The following C1orf94 variants were observed in gnomAD, a reference collection of about 807,000 sequenced individuals.
The protein encoded by C1orf94 is uncharacterized protein C1orf94.
Under a neutral mutation model 53.6 loss-of-function variants are expected in C1orf94, and 45 were observed. The observed-to-expected ratio is 0.84, with a 90% confidence interval of 0.66 to 1.08. The LOEUF is 1.08. C1orf94 is among the 50% of genes least tolerant of loss of function. C1orf94 has a pLI of 0.00. For missense variants in C1orf94, 762 were observed against 738.9 expected, an observed-to-expected ratio of 1.03 and a Z score of -0.36; for synonymous variants, 304 against 296.1, an observed-to-expected ratio of 1.03 and a Z score of -0.27.
rs564666730 is a variant in C1orf94, at chr1:34,197,445, G to A, written c.541G>A (p.Gly181Arg). 30 of 1,613,984 alleles carry A rather than the reference G, an allele frequency of 1.9e-5. No individual in the cohort carries two copies. The highest frequency in any genetic ancestry group is 1.5e-4 in the Admixed American group (9 of 60,014). Residue 181 changes from glycine (G) to arginine (R), a missense_variant, in exon 2 of 7, where the codon GGA becomes AGA. Physicochemically the swap from Gly to Arg is moderately radical, Grantham distance 125. Transcript: ENST00000488417. This position sits in a 1 kb window ranked among gnomAD's most constrained non-coding sequence, Gnocchi z 4.1. ...NERPRASIIVGDKLLKQKVAM... is the reference protein window; with the variant it reads ...NERPRASIIVRDKLLKQKVAM... ...GCGCCCCAGAGCCTCCATCATTGTC[G>A]GAGACAAGCTTCTGAAGCAGAAGGT...
At chr1:34,167,725 G>C (rs1421974261) in intron 1 of C1orf94, among the ~76,000 whole-genome samples, 1 of 151,944 alleles carries the variant, frequency 6.6e-6, no homozygotes, top group Admixed American at 6.6e-5. Context: ...ACACGTAACT[G>C]ATACCGTCAG....
At chr1:34,208,769 C>T (rs1278997477) in intron 5 of C1orf94, among the ~76,000 whole-genome samples, 3 of 152,140 alleles carry the variant, frequency 2.0e-5, no homozygotes, top group Non-Finnish European at 4.4e-5. Flanking sequence ...ACCTCTTGCT[C>T]TTTCCACGGT....
chr1:34,209,830 A>C (rs1226862875), intron 5 of C1orf94, among the ~76,000 whole-genome samples: 1 of 152,170 alleles, frequency 6.6e-6, no homozygotes, highest in African/African-American at 2.4e-5. Flanking sequence ...CTGGCTCCAG[A>C]GAGAATATTT....
At chr1:34,169,614 A>AGG (rs1642110747) in intron 1 of C1orf94, among the ~76,000 whole-genome samples, 1 of 103,094 alleles carries the variant, frequency 9.7e-6, no homozygotes, top group African/African-American at 3.5e-5. Flanking sequence ...AGAGAGAGAG[A>AGG]GAGAGAGAGA....
At chr1:34,215,980 T>G (rs1221962934) in intron 6 of C1orf94, among the ~76,000 whole-genome samples, 1 of 152,154 alleles carries the variant, frequency 6.6e-6, no homozygotes, top group African/African-American at 2.4e-5. Context: ...TATTCCAGCC[T>G]GGGTGACAGA....
intron 1 of C1orf94, among the ~76,000 whole-genome samples, chr1:34,182,728 C>T (rs79271667): frequency 0.013 from 1,959 of 152,276 alleles, 49 homozygotes; most frequent in African/African-American, 0.045. Context: ...GGGCATGCAT[C>T]ACTATCAATG....
At chr1:34,169,625 G>T (rs1438877296) in intron 1 of C1orf94, among the ~76,000 whole-genome samples, 1 of 94,454 alleles carries the variant, frequency 1.1e-5, no homozygotes, top group African/African-American at 3.8e-5. Flanking sequence ...GAGAGAGAGA[G>T]AGAGAGAGAG....
chr1:34,181,863 C>T (rs1642315815), intron 1 of C1orf94, among the ~76,000 whole-genome samples: 1 of 152,090 alleles, frequency 6.6e-6, no homozygotes, highest in African/African-American at 2.4e-5. Flanking sequence ...AAGAAGGAGC[C>T]AGTCAAGGGA....
rs553425557 is a variant in C1orf94 at position 34,197,051 on chromosome 1, G to A, written c.321-174G>A. On this transcript the variant is annotated intron_variant, in intron 1 of 6. Coordinates refer to ENST00000488417, the MANE Select transcript of C1orf94 (RefSeq NM_001134734.2). This position sits in a 1 kb window ranked among gnomAD's most constrained non-coding sequence, Gnocchi z 4.1. The stretch of plus-strand genomic sequence containing the variant: ...CATGCTCTCAGTGCTGCATCCTACC[G>A]CTGTGGTATAGGACCCTCTGGGGGT... Among the ~76,000 whole-genome samples the A allele has an allele frequency of 3.3e-5, 5 of 152,296 alleles. No homozygotes were observed. Among genetic ancestry groups the A allele is most frequent in the African/African-American group, 7.2e-5 (3 of 41,560 alleles).
chr1:34,179,188 T>C (rs1375262213), intron 1 of C1orf94, among the ~76,000 whole-genome samples: 1 of 152,268 alleles, frequency 6.6e-6, no homozygotes, highest in Non-Finnish European at 1.5e-5. Context: ...TGGGCTCATT[T>C]ACTTACTGCA....
Position 34,218,852 on chromosome 1 carries a change from G to A in C1orf94, c.*91G>A. The stretch of plus-strand genomic sequence containing the variant: ...TCTGCAAAAGCTTGGTATGAAGTTT[G>A]GAAAAGCAAGGTTCTGACCAGGTCA... On this transcript the variant is annotated 3_prime_UTR_variant, in exon 7 of 7. Transcript: ENST00000488417. The A allele has an allele frequency of 8.3e-7, 1 of 1,202,172 alleles. No individual in the cohort carries two copies. Among genetic ancestry groups the A allele is most frequent in the South Asian group, 1.6e-5 (1 of 63,018 alleles). 74.5% of individuals were successfully genotyped at this position (1,202,172 alleles called of 1,614,324 possible).
intron 4 of C1orf94, among the ~76,000 whole-genome samples, chr1:34,206,070 C>T (rs899364253): frequency 1.3e-5 from 2 of 152,216 alleles, no homozygotes; most frequent in Non-Finnish European, 1.5e-5. Context: ...AGAATCCGCC[C>T]TGGGACTGAG....
chr1:34,193,775 C>T (rs1426747228), intron 1 of C1orf94, among the ~76,000 whole-genome samples: 2 of 152,152 alleles, frequency 1.3e-5, no homozygotes, highest in Non-Finnish European at 2.9e-5. Flanking sequence ...AGTAGGCTCA[C>T]GGCAAATGCA....
rs114118360 is a variant in C1orf94, at chr1:34,200,988, C to T, written c.1226C>T (p.Pro409Leu). The T allele has an allele frequency of 2.2e-4, 355 of 1,611,380 alleles. 2 individuals carry two copies. The highest frequency in any genetic ancestry group is 6.9e-4 in the African/African-American group (52 of 74,860). Residue 409 changes from proline (P) to leucine (L), a missense_variant, in exon 3 of 7, where the codon CCG becomes CTG. Coordinates refer to ENST00000488417, the MANE Select transcript of C1orf94 (RefSeq NM_001134734.2). ...LGATKNPSGQ[P>L]RLRNKVEVDG... The stretch of plus-strand genomic sequence containing the variant: ...GCCACCAAGAACCCAAGCGGGCAGC[C>T]GAGACTTCGAAACAAAGTGGAAGTG...
rs991041155 is a variant in C1orf94, at chr1:34,219,063, T to C, written c.*302T>C. 2 of 221,614 alleles carry C rather than the reference T, an allele frequency of 9.0e-6. No individual in the cohort carries two copies. The highest frequency in any genetic ancestry group is 4.6e-5 in the African/African-American group (2 of 43,932). 13.7% of individuals were successfully genotyped at this position (221,614 alleles called of 1,614,324 possible). A position where few individuals can be genotyped will look rare whatever the true frequency, so the allele number is the denominator to read the frequency against. On this transcript the variant is annotated 3_prime_UTR_variant, in exon 7 of 7. Transcript: ENST00000488417. Reference sequence around the variant, plus strand: ...TGATTTTTGTTTTTGTTTTTGTTGGTAAAATAGAAGTAAGACACTTAATTT... The same window carrying C: ...TGATTTTTGTTTTTGTTTTTGTTGGCAAAATAGAAGTAAGACACTTAATTT...
rs572653491 is a variant in C1orf94, at chr1:34,194,519, T to G, written c.321-2706T>G. Among the ~76,000 whole-genome samples the G allele has an allele frequency of 2.6e-5, 4 of 152,282 alleles. No homozygotes were observed. The South Asian group carries it at 8.3e-4, about 32-fold the overall frequency. The stretch of plus-strand genomic sequence containing the variant: ...TACTTTGAGTATGTGCGTGTAATAT[T>G]TGTATAAAATAAAGCAGAAAGCAAA... On this transcript the variant is annotated intron_variant, in intron 1 of 6. Transcript: ENST00000488417.
intron 1 of C1orf94, among the ~76,000 whole-genome samples, chr1:34,191,648 TTTGTCA>T (rs1399776242): frequency 1.3e-5 from 2 of 152,174 alleles, no homozygotes; most frequent in African/African-American, 4.8e-5. Flanking sequence ...GGGTACTGTG[TTTGTCA>T]TTGGTCTAAA....
chr1:34,173,433 T>G (rs1269323738), upstream of C1orf94, among the ~76,000 whole-genome samples: 1 of 152,180 alleles, frequency 6.6e-6, no homozygotes, highest in Non-Finnish European at 1.5e-5. Context: ...CATTCCCACG[T>G]TTCTGAGTTT....
At position 34,200,879 on chromosome 1, in the gene C1orf94, G is replaced by A. The variant is rs781704626; in HGVS notation, c.1117G>A (p.Ala373Thr). The change falls in exon 3 of 7, where the codon GCA becomes ACA. Residue 373 changes from alanine to threonine, a missense_variant. Physicochemically the swap from Ala to Thr is moderately conservative, Grantham distance 58. Coordinates refer to ENST00000488417, the MANE Select transcript of C1orf94 (RefSeq NM_001134734.2). ...DACGEEGCCD[A>T]VGTASLTLPP... Reference sequence around the variant, plus strand: ...CTGTGGTGAGGAGGGTTGCTGTGACGCAGTGGGCACCGCATCACTGACCCT... The same window carrying A: ...CTGTGGTGAGGAGGGTTGCTGTGACACAGTGGGCACCGCATCACTGACCCT... 11 of 1,614,152 alleles carry A rather than the reference G, an allele frequency of 6.8e-6. No individual in the cohort carries two copies. Among genetic ancestry groups the A allele is most frequent in the Admixed American group, 1.7e-5 (1 of 60,024 alleles).
Sources: allele counts gnomAD v4.1 joint callset (sites outside exome capture counted in the v4.1 genomes callset), GRCh38; gene constraint gnomAD v4.1.1; non-coding constraint Gnocchi (gnomAD v3.1); transcripts MANE v1.5; gene names NCBI Gene and HGNC (gene_info 2026-07-23, HGNC 2026-07-21).